LRRC37A2: variants seen among roughly 807,000 people sequenced by gnomAD.
LRRC37A2 encodes leucine rich repeat containing 37 member A2.
Under a neutral mutation model 68.8 loss-of-function variants are expected in LRRC37A2, and 9 were observed. That is an observed-to-expected ratio of 0.13 (90% CI 0.08 to 0.23). The LOEUF (loss-of-function observed/expected upper bound fraction) is 0.23. Among genes scored for constraint, LRRC37A2 ranks in the 10% least tolerant of loss-of-function variants. The probability of loss-of-function intolerance (pLI) is 1.00; values close to 1 mark genes in which losing one functional copy is unlikely to be tolerated. For missense variants in LRRC37A2, 168 were observed against 950.4 expected, an observed-to-expected ratio of 0.18 and a Z score of 10.82; for synonymous variants, 63 against 367.6, an observed-to-expected ratio of 0.17 and a Z score of 9.48.
At chr17:47,018,908 T>A in the LRRC37A2 span, 2 of 1,519,310 alleles carry the variant, frequency 1.3e-6, no homozygotes, top group South Asian at 2.2e-5. Context: ...AGACCCCAAC[T>A]CAGCCTCCTA....
At chr17:46,843,418 A>C in the LRRC37A2 span, among the ~76,000 whole-genome samples, 2 of 152,180 alleles carry the variant, frequency 1.3e-5, no homozygotes, top group Admixed American at 1.3e-4. Flanking sequence ...CATTCGTTAA[A>C]GTGAAGAAAG....
At chr17:46,746,627 T>C in the LRRC37A2 span, among the ~76,000 whole-genome samples, 1 of 152,168 alleles carries the variant, frequency 6.6e-6, no homozygotes, top group Non-Finnish European at 1.5e-5. Context: ...TAAAACTTAT[T>C]CCTTTTTCAT....
the LRRC37A2 span, among the ~76,000 whole-genome samples, chr17:46,775,665 A>G: frequency 2.7e-5 from 4 of 148,446 alleles, no homozygotes; most frequent in Admixed American, 2.0e-4. Context: ...CCAGGCTGGA[A>G]TGCAGTGACG....
At chr17:46,877,198 C>A in the LRRC37A2 span, 1 of 536,204 alleles carries the variant, frequency 1.9e-6, no homozygotes, top group Non-Finnish European at 2.4e-6. Flanking sequence ...GGTCCTGTGG[C>A]CCTGCTCAGG....
chr17:46,873,086 TCACACACACACACA>T, the LRRC37A2 span, among the ~76,000 whole-genome samples: 287 of 139,830 alleles, frequency 2.1e-3, no homozygotes, highest in Middle Eastern at 7.1e-3. Flanking sequence ...CTCTGCCTCT[TCACACACACACACA>T]CACACACACA....
the LRRC37A2 span, among the ~76,000 whole-genome samples, chr17:46,910,507 C>T: frequency 6.6e-6 from 1 of 152,210 alleles, no homozygotes; most frequent in Admixed American, 6.5e-5. Flanking sequence ...TGAAGATGTC[C>T]TCTTAGCCAT....
the LRRC37A2 span, chr17:46,872,595 G>A: frequency 6.2e-7 from 1 of 1,611,956 alleles, no homozygotes; most frequent in Non-Finnish European, 8.5e-7. Flanking sequence ...GGGCCCACCT[G>A]AAGCAGTGTG....
chr17:47,017,805 G>A, the LRRC37A2 span: 1 of 1,610,050 alleles, frequency 6.2e-7, no homozygotes, highest in Non-Finnish European at 8.5e-7. Context: ...GAAGTCAGAT[G>A]AGCCTCCAGG....
chr17:46,952,120 T>G, the LRRC37A2 span, among the ~76,000 whole-genome samples: 4 of 152,358 alleles, frequency 2.6e-5, no homozygotes, highest in African/African-American at 9.6e-5. Context: ...CAGAAAATTC[T>G]TATAGTGGGT....
the LRRC37A2 span, among the ~76,000 whole-genome samples, chr17:46,854,117 C>T: frequency 6.6e-6 from 1 of 152,150 alleles, no homozygotes; most frequent in Admixed American, 6.6e-5. Flanking sequence ...AGGACAGATG[C>T]TCAGAGAATC....
At chr17:46,940,987 A>C in the LRRC37A2 span, 1 of 1,176,298 alleles carries the variant, frequency 8.5e-7, no homozygotes, top group African/African-American at 1.6e-5. Flanking sequence ...GGTCCAGGCC[A>C]GGGAAGGAGC....
the LRRC37A2 span, among the ~76,000 whole-genome samples, chr17:46,733,572 A>T: frequency 6.6e-6 from 1 of 152,174 alleles, no homozygotes; most frequent in African/African-American, 2.4e-5. Flanking sequence ...TCCTCAGTTC[A>T]GTGCTTCCCA....
the LRRC37A2 span, among the ~76,000 whole-genome samples, chr17:46,777,984 C>T: frequency 6.6e-6 from 1 of 152,228 alleles, no homozygotes; most frequent in Admixed American, 6.5e-5. Context: ...TTCCTAGCTG[C>T]TGATCTCAGC....
the LRRC37A2 span, among the ~76,000 whole-genome samples, chr17:46,418,209 G>A: frequency 2.2e-5 from 1 of 46,510 alleles, no homozygotes. Context: ...GTGTGTGTGT[G>A]TGTGTTTGTG....
At chr17:46,806,258 C>T in the LRRC37A2 span, among the ~76,000 whole-genome samples, 1 of 124,286 alleles carries the variant, frequency 8.0e-6, no homozygotes, top group Admixed American at 1.1e-4. Context: ...ATTGCCCAGG[C>T]TGGAGTGCAA....
chr17:46,585,531 GA>G, the LRRC37A2 span, among the ~76,000 whole-genome samples: 3 of 61,506 alleles, frequency 4.9e-5, no homozygotes, highest in African/African-American at 6.2e-5. Context: ...ACCAATATCT[GA>G]AAAATCTCTT....
the LRRC37A2 span, among the ~76,000 whole-genome samples, chr17:46,417,028 G>T: frequency 2.7e-5 from 4 of 150,092 alleles, no homozygotes; most frequent in South Asian, 6.7e-4. Flanking sequence ...AACCCGGGAG[G>T]TGGAGGTTGC....
chr17:46,708,806 A>T, the LRRC37A2 span, among the ~76,000 whole-genome samples: 7 of 86,258 alleles, frequency 8.1e-5, no homozygotes, highest in Non-Finnish European at 1.1e-4. Flanking sequence ...CATTTATTTT[A>T]TATATATATA....
chr17:46,826,424 A>G, the LRRC37A2 span, among the ~76,000 whole-genome samples: 1 of 152,194 alleles, frequency 6.6e-6, no homozygotes, highest in Admixed American at 6.5e-5. Flanking sequence ...TCTGCCTGGC[A>G]TTTCCCACAT....
Sources: gnomAD v4.1 joint callset for allele counts (sites outside exome capture counted in the v4.1 genomes callset) on GRCh38, gnomAD v4.1.1 for gene constraint, MANE v1.5 for transcripts, NCBI Gene and HGNC (gene_info 2026-07-23, HGNC 2026-07-21) for gene names.